Variants in TTC7B observed in about 807,000 individuals in gnomAD.
TTC7B encodes tetratricopeptide repeat domain 7B.
TTC7B carries 28 observed loss-of-function variants against 106.8 expected under a neutral mutation model. The ratio of observed to expected loss-of-function variants is 0.26; its 90% CI spans 0.19 to 0.36. TTC7B has a LOEUF of 0.36. Ranked by LOEUF, TTC7B falls within the 10% of genes least tolerant of loss-of-function variation. The pLI, the probability that TTC7B is intolerant of heterozygous loss-of-function variation, is 1.00. For missense variants in TTC7B, 862 were observed against 1,076.4 expected, an observed-to-expected ratio of 0.80 and a Z score of 2.79; for synonymous variants, 405 against 430.6, an observed-to-expected ratio of 0.94 and a Z score of 0.74.
chr14:90,557,757 C>T (rs879936524), intron 19 of TTC7B, among the ~76,000 whole-genome samples: 5 of 152,218 alleles, frequency 3.3e-5, no homozygotes, highest in South Asian at 4.1e-4. Context: ...GTGGGGACCA[C>T]GGGCTCACTG....
At chr14:90,554,378 C>T (rs901523892) in intron 19 of TTC7B, among the ~76,000 whole-genome samples, 1 of 152,222 alleles carries the variant, frequency 6.6e-6, no homozygotes, top group African/African-American at 2.4e-5. Flanking sequence ...GGTAAGTGTC[C>T]TGCCAAGAGC....
intron 17 of TTC7B, among the ~76,000 whole-genome samples, chr14:90,597,124 G>A (rs893220357): frequency 3.3e-5 from 5 of 152,198 alleles, no homozygotes; most frequent in African/African-American, 1.2e-4. Flanking sequence ...TTTCTTCCTA[G>A]TCAATTTCTT....
At chr14:90,627,405 G>A (rs560525719) in intron 15 of TTC7B, among the ~76,000 whole-genome samples, 10 of 149,996 alleles carry the variant, frequency 6.7e-5, no homozygotes, top group Admixed American at 2.6e-4. Context: ...CAGTGTGAGC[G>A]CAAGGCTGCA....
Position 90,527,269 on chromosome 14 carries a change from A to AT in TTC7B, c.*14098dup, listed in dbSNP as rs1427241318. On this transcript the variant is annotated 3_prime_UTR_variant, in exon 20 of 20. Coordinates refer to ENST00000328459, the MANE Select transcript of TTC7B (RefSeq NM_001010854.2). ...CAGGTTTCTCTGTGGTAATGTTACTATTTTTCCTATTTCCACATCCTTCTC... is the reference window on the plus strand; with the variant it reads ...CAGGTTTCTCTGTGGTAATGTTACTATTTTTTCCTATTTCCACATCCTTCTC... 1 of 151,722 alleles carries AT rather than the reference A, an allele frequency of 6.6e-6. No individual in the cohort carries two copies. Among genetic ancestry groups the AT allele is most frequent in the Non-Finnish European group, 1.5e-5 (1 of 67,948 alleles). The allele number at this position is 151,722 out of a possible 1,614,324, so 9.4% of individuals were successfully genotyped here.
At chr14:90,621,591 T>C (rs1884190557) in intron 15 of TTC7B, among the ~76,000 whole-genome samples, 2 of 152,204 alleles carry the variant, frequency 1.3e-5, no homozygotes, top group Non-Finnish European at 2.9e-5. Flanking sequence ...GCCGGAATGA[T>C]AGGCAGAAGC....
intron 5 of TTC7B, among the ~76,000 whole-genome samples, chr14:90,696,718 A>T (rs916415673): frequency 6.6e-6 from 1 of 152,242 alleles, no homozygotes; most frequent in Non-Finnish European, 1.5e-5. Context: ...TGGCATAGGT[A>T]CATAAATACT....
intron 19 of TTC7B, among the ~76,000 whole-genome samples, chr14:90,559,615 G>A (rs969624976): frequency 2.0e-5 from 3 of 152,200 alleles, no homozygotes; most frequent in African/African-American, 7.2e-5. Context: ...CTCGTGGTGG[G>A]AGCCTCTGTG....
intron 17 of TTC7B, among the ~76,000 whole-genome samples, chr14:90,607,434 C>T (rs75529220): frequency 0.02 from 2,972 of 152,266 alleles, 98 homozygotes; most frequent in African/African-American, 0.068. Flanking sequence ...TCGGGCATGA[C>T]GCTGATAAGC....
At position 90,680,538 on chromosome 14, in the gene TTC7B, G is replaced by A; in HGVS notation, c.951-3C>T. 6.2e-7 allele frequency: 1 copy of A among 1,613,130 alleles called. No homozygotes were observed. The highest frequency in any genetic ancestry group is 8.5e-7 in the Non-Finnish European group (1 of 1,179,290). On this transcript the variant is annotated splice_polypyrimidine_tract_variant and splice_region_variant and intron_variant, in intron 7 of 19. Transcript: ENST00000328459. ...TATTTTCTTGAGGACAAAAAATGCTGCAGTTGAAAGAAAACTGACTTTGAT... is the reference window on the plus strand; with the variant it reads ...TATTTTCTTGAGGACAAAAAATGCTACAGTTGAAAGAAAACTGACTTTGAT...
At chr14:90,732,050 AT>A (rs1463438054) in intron 4 of TTC7B, among the ~76,000 whole-genome samples, 1 of 152,240 alleles carries the variant, frequency 6.6e-6, no homozygotes, top group Non-Finnish European at 1.5e-5. Context: ...CACAGTTAAC[AT>A]TTATTGAACG....
intron 13 of TTC7B, 61 bp downstream of exon 13, chr14:90,652,780 A>G: frequency 1.3e-6 from 2 of 1,553,120 alleles, no homozygotes; most frequent in East Asian, 4.5e-5. Flanking sequence ...TCTTCTTTTT[A>G]TACTCATCAT....
rs1370143269 is a variant in TTC7B at position 90,714,590 on chromosome 14, G to A, written c.698+15485C>T. ...TCCTGCCTCAGCCTCTCGAGTACTT[G>A]GGATTACAGGCGGCTGTCACCAAGC... On this transcript the variant is annotated intron_variant, in intron 5 of 19. Coordinates refer to ENST00000328459, the MANE Select transcript of TTC7B (RefSeq NM_001010854.2). Among the ~76,000 whole-genome samples the A allele has an allele frequency of 3.9e-5, 6 of 151,922 alleles. 1 individual carries two copies. In the South Asian group the frequency reaches 1.2e-3, roughly 32 times the overall value.
At chr14:90,664,748 T>A (rs1045102455) in intron 9 of TTC7B, among the ~76,000 whole-genome samples, 23 of 152,350 alleles carry the variant, frequency 1.5e-4, no homozygotes, top group African/African-American at 5.3e-4. Flanking sequence ...GCACTGGTTC[T>A]GGGGCCAGGC....
intron 7 of TTC7B, among the ~76,000 whole-genome samples, chr14:90,684,009 G>A (rs919702761): frequency 4.6e-5 from 7 of 151,700 alleles, no homozygotes; most frequent in South Asian, 2.1e-4. Context: ...TGCCCTCCCC[G>A]GCCAAGACCC....
intron 9 of TTC7B, among the ~76,000 whole-genome samples, chr14:90,674,098 A>G (rs1320052512): frequency 2.0e-5 from 3 of 152,166 alleles, no homozygotes; most frequent in Non-Finnish European, 4.4e-5. Context: ...TTGTACTTCA[A>G]TTAAAAAAAA....
At position 90,541,541 on chromosome 14, in the gene TTC7B, G is replaced by A; in HGVS notation, c.2359C>T (p.Leu787Phe). ...GAGTTCACCTGCACCGCGTCCCGGA[G>A]GATCTTCTCCGCCAGACTGTAGCGG... ...LGRYSLAEKI[L>F]RDAVQVNSTA... Residue 787 changes from leucine (L) to phenylalanine (F), a missense_variant, in exon 20 of 20, where the codon CTC becomes TTC. Coordinates refer to ENST00000328459, the MANE Select transcript of TTC7B (RefSeq NM_001010854.2). 2 of 1,612,168 alleles carry A rather than the reference G, an allele frequency of 1.2e-6. No homozygotes were observed. The highest frequency in any genetic ancestry group is 1.7e-6 in the Non-Finnish European group (2 of 1,178,598).
chr14:90,602,350 G>A, intron 17 of TTC7B: 1 of 401,878 alleles, frequency 2.5e-6, no homozygotes, highest in Non-Finnish European at 5.0e-6. Flanking sequence ...GAGAATCAGT[G>A]GTCTAAGAAA....
intron 4 of TTC7B, among the ~76,000 whole-genome samples, chr14:90,740,985 A>C (rs1889738722): frequency 6.6e-6 from 1 of 152,160 alleles, no homozygotes; most frequent in Admixed American, 6.5e-5. Context: ...AACCCACCTC[A>C]CCTCACAGCA....
intron 18 of TTC7B, among the ~76,000 whole-genome samples, chr14:90,581,234 C>T (rs1237531185): frequency 6.6e-6 from 1 of 152,192 alleles, no homozygotes; most frequent in Non-Finnish European, 1.5e-5. Context: ...ATGCACTGAG[C>T]CCTGAAGGTG....
Sources: gnomAD v4.1 joint callset for allele counts (sites outside exome capture counted in the v4.1 genomes callset) on GRCh38, gnomAD v4.1.1 for gene constraint, MANE v1.5 for transcripts, NCBI Gene and HGNC (gene_info 2026-07-23, HGNC 2026-07-21) for gene names.